UBTF: variants seen among roughly 807,000 people sequenced by gnomAD.
The protein encoded by UBTF is nucleolar transcription factor 1.
Under a neutral mutation model 112.3 loss-of-function variants are expected in UBTF, and 8 were observed. The ratio of observed to expected loss-of-function variants is 0.07; its 90% CI spans 0.04 to 0.13. The LOEUF is 0.13. Among genes scored for constraint, UBTF ranks in the 10% least tolerant of loss-of-function variants. UBTF has a pLI of 1.00. For missense variants in UBTF, 457 were observed against 982.1 expected, an observed-to-expected ratio of 0.47 and a Z score of 7.15; for synonymous variants, 417 against 373.1, an observed-to-expected ratio of 1.12 and a Z score of -1.36.
intron 5 of UBTF, 171 bp downstream of exon 5, chr17:44,215,483 G>C: frequency 3.9e-6 from 3 of 761,672 alleles, no homozygotes; most frequent in Non-Finnish European, 6.3e-6. Context: ...CTGACCATGT[G>C]TGGGCCGAGG....
At chr17:44,215,582 T>G in intron 5 of UBTF, 72 bp downstream of exon 5, 1 of 1,585,138 alleles carries the variant, frequency 6.3e-7, no homozygotes, top group Non-Finnish European at 8.6e-7. Flanking sequence ...AAGGCCTACC[T>G]CCAACTGACC....
At chr17:44,213,672 C>T (rs1246857646) in intron 5 of UBTF, among the ~76,000 whole-genome samples, 1 of 152,152 alleles carries the variant, frequency 6.6e-6, no homozygotes, top group Non-Finnish European at 1.5e-5. Flanking sequence ...CCTGTCACTC[C>T]CTCTTCTCAC....
At position 44,211,773 on chromosome 17, in the gene UBTF, G is replaced by A; in HGVS notation, c.906-26C>T. The A allele has an allele frequency of 1.9e-6, 3 of 1,601,680 alleles. No individual in the cohort carries two copies. The highest frequency in any genetic ancestry group is 1.3e-5 in the African/African-American group (1 of 74,938). ...CTATCAGAGCCGCGGGGAGAGAGGTGCAGCCCGTAAGCGAGCAGGGCAGCA... is the reference window on the plus strand; with the variant it reads ...CTATCAGAGCCGCGGGGAGAGAGGTACAGCCCGTAAGCGAGCAGGGCAGCA... On this transcript the variant is annotated intron_variant, in intron 9 of 20. Transcript: ENST00000436088. This position sits in a 1 kb window ranked among gnomAD's most constrained non-coding sequence, Gnocchi z 4.9.
chr17:44,211,160 G>C lies in UBTF; in HGVS notation c.1090-8C>G, dbSNP rs375626186. 2 of 1,613,092 alleles carry C rather than the reference G, an allele frequency of 1.2e-6. No homozygotes were observed. ...CTCCTCCTCAGGCAGGCTCTGGACA[G>C]GAAAGAGGAGCACGGGGCTGCATGC... On this transcript the variant is annotated splice_polypyrimidine_tract_variant and splice_region_variant and intron_variant, in intron 11 of 20. Coordinates refer to ENST00000436088, the MANE Select transcript of UBTF (RefSeq NM_014233.4). The surrounding 1 kb of genome is among the most constrained non-coding windows in gnomAD (Gnocchi z 4.9).
chr17:44,218,114 C>T (rs780409659), intron 2 of UBTF, 58 bp downstream of exon 2: 35 of 1,551,894 alleles, frequency 2.3e-5, no homozygotes, highest in Non-Finnish European at 2.8e-5. Context: ...GAGTGAGCCC[C>T]GCAGCCACGA....
At chr17:44,208,015 C>T in intron 17 of UBTF, 104 bp from the exon 18 acceptor site, 3 of 1,391,970 alleles carry the variant, frequency 2.2e-6, no homozygotes, top group South Asian at 2.5e-5. Context: ...TATATCATCA[C>T]CCCATCTTAC....
At chr17:44,218,101 A>G (rs2144555970) in intron 2 of UBTF, 71 bp downstream of exon 2, 1 of 1,489,454 alleles carries the variant, frequency 6.7e-7, no homozygotes, top group African/African-American at 1.4e-5. Context: ...CCCTTGAAGA[A>G]GGGAGTGAGC....
chr17:44,217,399 G>A (rs577588125), intron 2 of UBTF, among the ~76,000 whole-genome samples: 2 of 152,262 alleles, frequency 1.3e-5, no homozygotes, highest in East Asian at 3.9e-4. Flanking sequence ...AGAATTACAA[G>A]CTGTCTTGTC....
Position 44,215,927 on chromosome 17 carries a change from A to G in UBTF, c.297T>C (p.Pro99=), listed in dbSNP as rs1256834638. Reference sequence around the variant, plus strand: ...TCACCTTGAGTTTTTTGCCTTTGTAAGGATTTTTAACATGTTCCTGAGCAT... The same window carrying G: ...TCACCTTGAGTTTTTTGCCTTTGTAGGGATTTTTAACATGTTCCTGAGCAT... ...ILDAQEHVKN[P]YKGKKLKKHP... Residue 99 remains proline (P), a synonymous_variant, in exon 4 of 21, where the codon CCT becomes CCC. Coordinates refer to ENST00000436088, the MANE Select transcript of UBTF (RefSeq NM_014233.4). 5.0e-6 allele frequency: 8 copies of G among 1,614,070 alleles called. No individual in the cohort carries two copies. Among genetic ancestry groups the G allele is most frequent in the Admixed American group, 1.7e-5 (1 of 60,006 alleles).
chr17:44,210,755 C>T, intron 13 of UBTF, 37 bp downstream of exon 13: 1 of 1,550,792 alleles, frequency 6.4e-7, no homozygotes, highest in Non-Finnish European at 8.7e-7. Context: ...CCCTGGCAGC[C>T]CCCCTGGGGG....
intron 5 of UBTF, 57 bp downstream of exon 5, chr17:44,215,597 C>G: frequency 6.2e-7 from 1 of 1,603,396 alleles, no homozygotes; most frequent in East Asian, 2.2e-5. Context: ...CTGACCCACA[C>G]CACACCAGCT....
rs2056497993 is a variant in UBTF, at chr17:44,209,269, AG to A, written c.1905+82del. The A allele has an allele frequency of 1.3e-5, 18 of 1,417,176 alleles. No individual in the cohort carries two copies. In the South Asian group the frequency reaches 2.5e-4, roughly 19 times the overall value. The allele number at this position is 1,417,176 out of a possible 1,614,324, so 87.8% of individuals were successfully genotyped here. A position where few individuals can be genotyped will look rare whatever the true frequency, so the allele number is the denominator to read the frequency against. ...ATCATGAATGAGACCAGCCAGCACA[AG>A]TGGGTGGATGGGCCAGGCTAGGATG... On this transcript the variant is annotated intron_variant, in intron 17 of 20. Coordinates refer to ENST00000436088, the MANE Select transcript of UBTF (RefSeq NM_014233.4).
At chr17:44,210,614 G>C (rs2056602902) in intron 13 of UBTF, 141 bp from the exon 14 acceptor site, 7 of 1,385,618 alleles carry the variant, frequency 5.1e-6, no homozygotes, top group Non-Finnish European at 6.6e-6. Flanking sequence ...GCCCCCGCCT[G>C]GTCTGCGGCG....
intron 17 of UBTF, chr17:44,208,840 A>ACC: frequency 1.3e-5 from 4 of 299,838 alleles, no homozygotes; most frequent in South Asian, 9.8e-5. Context: ...TTACTGTGTG[A>ACC]CCTTGGGCAA....
At chr17:44,216,332 TAGAAAG>T (rs1326031049) in intron 3 of UBTF, 191 bp downstream of exon 3, 11 of 662,976 alleles carry the variant, frequency 1.7e-5, no homozygotes, top group Non-Finnish European at 2.9e-5. Context: ...ACCACTCAGA[TAGAAAG>T]TGGCATAACT....
intron 1 of UBTF, chr17:44,219,222 G>A (rs1188346464): frequency 2.0e-5 from 3 of 151,360 alleles, no homozygotes; most frequent in Admixed American, 2.0e-4. Context: ...CCGGCTCCGA[G>A]AAGCGCGGGC....
In UBTF at chr17:44,210,311, CT is replaced by C; in HGVS notation, c.1515+6del. ...GCTGCAGTACTACCCTTTCCCACCC[CT>C]GTCACCTTGAAGCGGGCCAGGTAGT... On this transcript the variant is annotated splice_donor_region_variant and intron_variant, in intron 14 of 20. Coordinates refer to ENST00000436088, the MANE Select transcript of UBTF (RefSeq NM_014233.4). The C allele has an allele frequency of 6.2e-7, 1 of 1,612,812 alleles. No homozygotes were observed. Among genetic ancestry groups the C allele is most frequent in the Non-Finnish European group, 8.5e-7 (1 of 1,179,416 alleles).
At chr17:44,209,909 T>G (rs1157633681) in intron 15 of UBTF, among the ~76,000 whole-genome samples, 176 bp from the exon 16 acceptor site, 2 of 152,208 alleles carry the variant, frequency 1.3e-5, no homozygotes. Context: ...CACCACAGTT[T>G]ACAAGTGCTT....
At chr17:44,217,982 T>C (rs2046931607) in intron 2 of UBTF, among the ~76,000 whole-genome samples, 190 bp downstream of exon 2, 1 of 152,128 alleles carries the variant, frequency 6.6e-6, no homozygotes, top group South Asian at 2.1e-4. Flanking sequence ...GGTGAGCCAC[T>C]CCAGGCCAAA....
Sources: gnomAD v4.1 joint callset for allele counts (sites outside exome capture counted in the v4.1 genomes callset) on GRCh38, gnomAD v4.1.1 for gene constraint, Gnocchi (gnomAD v3.1) non-coding constraint, MANE v1.5 for transcripts, NCBI Gene and HGNC (gene_info 2026-07-23, HGNC 2026-07-21) for gene names.